The following ASIC2 variants were observed in gnomAD, a reference collection of about 807,000 sequenced individuals.
ASIC2 encodes acid sensing ion channel subunit 2, also known as acid-sensing ion channel 2.
Under a neutral mutation model 57.3 loss-of-function variants are expected in ASIC2, and 25 were observed. The observed-to-expected ratio is 0.44, with a 90% CI of 0.32 to 0.61. ASIC2 has a LOEUF of 0.61. ASIC2 is among the 20% of genes least tolerant of loss of function. ASIC2 has a pLI of 0.06. For synonymous variants in ASIC2, 319 were observed against 307.5 expected (o/e 1.04, Z -0.39); for missense variants, 641 against 738.1 (o/e 0.87, Z 1.52).
At chr17:33,646,373 T>C (rs1316270986) in intron 1 of ASIC2, among the ~76,000 whole-genome samples, 1 of 152,172 alleles carries the variant, frequency 6.6e-6, no homozygotes, top group African/African-American at 2.4e-5. Flanking sequence ...GATGTTCCAC[T>C]GATTGGCCAG....
intron 1 of ASIC2, among the ~76,000 whole-genome samples, chr17:34,060,149 T>C (rs1342180966): frequency 2.0e-5 from 3 of 152,164 alleles, no homozygotes; most frequent in East Asian, 3.9e-4. Flanking sequence ...GAGAGACCCA[T>C]AGATGGTTCA....
At chr17:33,652,473 G>C (rs868565128) in intron 1 of ASIC2, among the ~76,000 whole-genome samples, 7 of 152,198 alleles carry the variant, frequency 4.6e-5, no homozygotes, top group Non-Finnish European at 7.3e-5. Flanking sequence ...CTGTGGGCAG[G>C]TTCCAGTATT....
In ASIC2 at chr17:33,555,423, A is replaced by ACCC. The variant is rs35837242; in HGVS notation, c.556-443359_556-443357dup. 5.4e-3 allele frequency among the ~76,000 whole-genome samples: 816 copies of ACCC among 151,866 alleles called. 6 individuals carry two copies. The highest frequency in any genetic ancestry group is 0.019 in the African/African-American group (780 of 41,392). On this transcript the variant is annotated intron_variant, in intron 1 of 9. Coordinates refer to the ASIC2 transcript ENST00000359872. ...CACATTCTTGGGGGTGCAAAGTGAG[A>ACCC]CCCCCCAGCAACATGTGTATGAAGA...
chr17:33,258,737 TAGA>T (rs1435453582), intron 1 of ASIC2, among the ~76,000 whole-genome samples: 2 of 152,158 alleles, frequency 1.3e-5, no homozygotes, highest in East Asian at 1.9e-4. Context: ...CTCTGATTTG[TAGA>T]AGAAGAAACT....
chr17:33,108,507 C>CA (rs1350121445), intron 2 of ASIC2, among the ~76,000 whole-genome samples: 1 of 152,186 alleles, frequency 6.6e-6, no homozygotes, highest in Non-Finnish European at 1.5e-5. Context: ...ACCAAGCAGC[C>CA]ACGTGTGTCT....
chr17:33,627,616 C>A (rs1047749454), intron 1 of ASIC2, among the ~76,000 whole-genome samples: 4 of 152,224 alleles, frequency 2.6e-5, no homozygotes, highest in Admixed American at 2.0e-4. Flanking sequence ...GAAGGTGAGG[C>A]CCTGCTCAAA....
chr17:34,155,654 C>T, intron 1 of ASIC2: 1 of 324,384 alleles, frequency 3.1e-6, no homozygotes, highest in Non-Finnish European at 5.7e-6. Flanking sequence ...GCTCGGACAC[C>T]AAGCGGACCG....
At chr17:33,068,394 A>G (rs879748883) in intron 3 of ASIC2, among the ~76,000 whole-genome samples, 2 of 152,142 alleles carry the variant, frequency 1.3e-5, no homozygotes, top group Admixed American at 6.5e-5. Flanking sequence ...TTAGCTGGGC[A>G]TGGTGGTGCA....
At chr17:33,701,454 T>C (rs1908698699) in intron 1 of ASIC2, among the ~76,000 whole-genome samples, 1 of 152,190 alleles carries the variant, frequency 6.6e-6, no homozygotes, top group Admixed American at 6.5e-5. Flanking sequence ...GGATTCAAAA[T>C]GAAGAAAGAC....
At chr17:33,851,701 T>G (rs1395424462) in intron 1 of ASIC2, among the ~76,000 whole-genome samples, 1 of 152,176 alleles carries the variant, frequency 6.6e-6, no homozygotes, top group South Asian at 2.1e-4. Context: ...GCCTCTACCC[T>G]CTAGACGCCA....
intron 1 of ASIC2, among the ~76,000 whole-genome samples, chr17:33,544,410 T>G (rs1393912175): frequency 6.6e-6 from 1 of 152,188 alleles, no homozygotes; most frequent in Non-Finnish European, 1.5e-5. Flanking sequence ...TACCCACGAG[T>G]GGAAATTCCT....
intron 1 of ASIC2, among the ~76,000 whole-genome samples, chr17:33,799,412 TTTCTTTCTTTCTTTCTTCTTTC>T (rs1567718976): frequency 3.6e-4 from 24 of 67,444 alleles, no homozygotes; most frequent in African/African-American, 1.2e-3. Context: ...CTTTTCTTTC[TTTCTTTCTTTCTTTCTTCTTTC>T]TTTCTTTCTT....
intron 1 of ASIC2, among the ~76,000 whole-genome samples, chr17:33,117,406 C>G (rs567231488): frequency 5.3e-5 from 8 of 151,986 alleles, no homozygotes; most frequent in African/African-American, 1.9e-4. Flanking sequence ...AAACTCCTGA[C>G]CTCAAGGGAT....
At chr17:33,204,328 G>A (rs574023173) in intron 1 of ASIC2, among the ~76,000 whole-genome samples, 8 of 152,316 alleles carry the variant, frequency 5.3e-5, no homozygotes, top group Non-Finnish European at 1.0e-4. Flanking sequence ...CCCATGTCCA[G>A]CTGCTAAGTC....
chr17:33,505,906 G>A (rs751965275), intron 1 of ASIC2, among the ~76,000 whole-genome samples: 10 of 152,154 alleles, frequency 6.6e-5, no homozygotes, highest in African/African-American at 2.4e-4. Context: ...CATTTTATTA[G>A]AGTTTATTTG....
intron 1 of ASIC2, among the ~76,000 whole-genome samples, chr17:33,829,589 T>C (rs569919184): frequency 4.0e-5 from 6 of 151,724 alleles, no homozygotes; most frequent in African/African-American, 1.4e-4. Context: ...CTTTTTTTTT[T>C]TTTTTGAGAT....
chr17:33,643,334 C>G (rs571498818), intron 1 of ASIC2, among the ~76,000 whole-genome samples: 1 of 152,256 alleles, frequency 6.6e-6, no homozygotes, highest in South Asian at 2.1e-4. Context: ...TTTATAAAAA[C>G]TATCTTTGCT....
chr17:33,711,151 G>A (rs543820896), intron 1 of ASIC2, among the ~76,000 whole-genome samples: 2 of 152,236 alleles, frequency 1.3e-5, no homozygotes, highest in South Asian at 2.1e-4. Flanking sequence ...TTGTGTTTGG[G>A]TAACACAATT....
chr17:33,768,958 T>C (rs1337430932), intron 1 of ASIC2, among the ~76,000 whole-genome samples: 1 of 152,140 alleles, frequency 6.6e-6, no homozygotes, highest in Non-Finnish European at 1.5e-5. Context: ...CTCAATGAAA[T>C]TCCCCACCCT....
Sources: allele counts gnomAD v4.1 joint callset (sites outside exome capture counted in the v4.1 genomes callset), GRCh38; gene constraint gnomAD v4.1.1; transcripts MANE v1.5; gene names NCBI Gene and HGNC (gene_info 2026-07-23, HGNC 2026-07-21).